Variants in TMEM255B observed in about 807,000 individuals in gnomAD.
The protein encoded by TMEM255B is transmembrane protein 255B.
A neutral mutation model predicts 34.5 loss-of-function variants in TMEM255B; 35 were observed. The ratio of observed to expected loss-of-function variants is 1.01; its 90% CI spans 0.77 to 1.34. The LOEUF (loss-of-function observed/expected upper bound fraction) is 1.34. Among genes scored for constraint, TMEM255B ranks in the 40% most tolerant of loss-of-function variants. The pLI is 0.00. For missense variants in TMEM255B, 432 were observed against 433.2 expected (o/e 1.00, Z 0.02); for synonymous variants, 206 against 201.2 (o/e 1.02, Z -0.20).
At chr13:113,786,748 C>T (rs2138550873) in intron 3 of TMEM255B, among the ~76,000 whole-genome samples, 1 of 152,368 alleles carries the variant, frequency 6.6e-6, no homozygotes, top group South Asian at 2.1e-4. Context: ...GAATTTCCTC[C>T]CTGGCATCCA....
intron 7 of TMEM255B, among the ~76,000 whole-genome samples, chr13:113,803,752 C>G (rs2051108846): frequency 6.6e-6 from 1 of 152,232 alleles, no homozygotes; most frequent in South Asian, 2.1e-4. Flanking sequence ...GCCTCCTGCA[C>G]ATGTGGACCA....
chr13:113,783,961 C>T (rs1172297408), intron 3 of TMEM255B, among the ~76,000 whole-genome samples: 1 of 152,092 alleles, frequency 6.6e-6, no homozygotes, highest in Non-Finnish European at 1.5e-5. Flanking sequence ...TAGGGAACCT[C>T]TTGTCATTTG....
chr13:113,798,625 AGATG>A (rs753536468), intron 4 of TMEM255B, among the ~76,000 whole-genome samples: 43 of 150,568 alleles, frequency 2.9e-4, no homozygotes, highest in Non-Finnish European at 4.9e-4. Context: ...GATGGATGAC[AGATG>A]GGTGGATGGA....
chr13:113,811,597 G>A, intron 8 of TMEM255B, 139 bp from the exon 9 acceptor site: 1 of 904,624 alleles, frequency 1.1e-6, no homozygotes, highest in Admixed American at 2.7e-5. Context: ...CATGTGAATG[G>A]CCCTGAGTCT....
At chr13:113,801,894 T>C in intron 7 of TMEM255B, 82 bp downstream of exon 7, 8 of 1,398,334 alleles carry the variant, frequency 5.7e-6, no homozygotes, top group Non-Finnish European at 7.7e-6. Context: ...CTGGGGGGCC[T>C]CCAGCCCTCA....
intron 1 of TMEM255B, among the ~76,000 whole-genome samples, chr13:113,763,889 T>C (rs988921131): frequency 2.6e-5 from 4 of 152,166 alleles, no homozygotes; most frequent in Admixed American, 2.6e-4. Context: ...CTGTGCGAGT[T>C]AGAGGTGGGG....
chr13:113,789,555 A>G (rs1290138464), intron 3 of TMEM255B, among the ~76,000 whole-genome samples: 4 of 152,220 alleles, frequency 2.6e-5, no homozygotes, highest in Admixed American at 1.3e-4. Flanking sequence ...GGTTCTGGCA[A>G]TGACTTTCGG....
At chr13:113,768,462 G>A (rs1007429059) in intron 2 of TMEM255B, among the ~76,000 whole-genome samples, 3 of 152,190 alleles carry the variant, frequency 2.0e-5, no homozygotes, top group Non-Finnish European at 4.4e-5. Context: ...GGCTTCCTGT[G>A]GAGTAAGGGG....
chr13:113,811,752 C>G lies in TMEM255B; in HGVS notation c.830C>G (p.Pro277Arg). Reference protein sequence around the residue: ...PLPLQPCSRFPVAPSSALASS... With the variant: ...PLPLQPCSRFRVAPSSALASS... ...TTATTGCAGCCCTGCAGCCGCTTCC[C>G]AGTTGCGCCCTCCTCTGCCCTGGCT... The change falls in exon 9 of 9, where the codon CCA becomes CGA. Residue 277 changes from proline (P) to arginine (R), a missense_variant. Physicochemically the swap from Pro to Arg is moderately radical, Grantham distance 103. Transcript: ENST00000375353. 1 of 1,613,776 alleles carries G rather than the reference C, an allele frequency of 6.2e-7. No individual in the cohort carries two copies. The highest frequency in any genetic ancestry group is 8.5e-7 in the Non-Finnish European group (1 of 1,179,846).
At chr13:113,791,172 G>C (rs1314992281) in intron 3 of TMEM255B, among the ~76,000 whole-genome samples, 1 of 152,218 alleles carries the variant, frequency 6.6e-6, no homozygotes, top group African/African-American at 2.4e-5. Context: ...CTGGGTTGCA[G>C]CAGGTTCCTG....
In TMEM255B at chr13:113,812,999, G is replaced by GCA. The variant is rs1338886246; in HGVS notation, c.*1096_*1097insCA. The GCA allele has an allele frequency of 6.7e-4, 98 of 145,366 alleles. 10 individuals are homozygous for GCA. The highest frequency in any genetic ancestry group is 3.6e-3 in the Middle Eastern group (1 of 274). 9.0% of individuals were successfully genotyped at this position (145,366 alleles called of 1,614,324 possible). A position where few individuals can be genotyped will look rare whatever the true frequency, so the allele number is the denominator to read the frequency against. On this transcript the variant is annotated 3_prime_UTR_variant, in exon 9 of 9. Coordinates refer to ENST00000375353, the MANE Select transcript of TMEM255B (RefSeq NM_182614.4). ...GTCACGGGTCCCGGGTGGGTCACGG[G>GCA]TCCCGAGTGGGTCACGGGTCCCGGG... is the stretch of plus-strand genomic sequence containing the variant.
chr13:113,807,645 C>T (rs548881924), intron 8 of TMEM255B, among the ~76,000 whole-genome samples: 7 of 136,938 alleles, frequency 5.1e-5, no homozygotes, highest in African/African-American at 2.8e-5. Flanking sequence ...CCCTGTCACA[C>T]GCAGGCTTAC....
chr13:113,809,289 G>A (rs1409030323), intron 8 of TMEM255B, among the ~76,000 whole-genome samples: 1 of 63,482 alleles, frequency 1.6e-5, no homozygotes, highest in Non-Finnish European at 3.3e-5. Context: ...CTGGTTCCTG[G>A]GGGTTTACTC....
rs1035362263 is a variant in TMEM255B at position 113,806,061 on chromosome 13, C to T, written c.813+1033C>T. 2.6e-5 allele frequency among the ~76,000 whole-genome samples: 4 copies of T among 152,170 alleles called. No individual in the cohort carries two copies. Among genetic ancestry groups the T allele is most frequent in the East Asian group, 3.9e-4 (2 of 5,190 alleles). Reference sequence around the variant, plus strand: ...CACATGACACAGGTCTTCAGATATTCCACAAGAGGACCCTCTCCCGACACA... The same window carrying T: ...CACATGACACAGGTCTTCAGATATTTCACAAGAGGACCCTCTCCCGACACA... On this transcript the variant is annotated intron_variant, in intron 8 of 8. Coordinates refer to ENST00000375353, the MANE Select transcript of TMEM255B (RefSeq NM_182614.4). This position sits in a 1 kb window ranked among gnomAD's most constrained non-coding sequence, Gnocchi z 4.2.
At position 113,809,355 on chromosome 13, in the gene TMEM255B, G is replaced by C. The variant is rs527685151; in HGVS notation, c.814-2381G>C. On this transcript the variant is annotated intron_variant, in intron 8 of 8. Coordinates refer to ENST00000375353, the MANE Select transcript of TMEM255B (RefSeq NM_182614.4). ...CCGGGGGTTTAACTCTGTGGTTCCT[G>C]GGGGGAGGGGTTACTCTGTGGTTCC... 6.8e-3 allele frequency among the ~76,000 whole-genome samples: 499 copies of C among 73,820 alleles called. 10 individuals carry two copies. The highest frequency in any genetic ancestry group is 0.01 in the Non-Finnish European group (374 of 37,388). The allele number at this position is 73,820 out of a possible 152,430, so 48.4% of individuals were successfully genotyped here.
At chr13:113,774,832 C>G (rs376070990) in intron 3 of TMEM255B, among the ~76,000 whole-genome samples, 4 of 149,340 alleles carry the variant, frequency 2.7e-5, no homozygotes, top group Non-Finnish European at 1.5e-5. Context: ...ACAACACACA[C>G]GACACACACA....
Position 113,759,264 on chromosome 13 carries a change from C to G in TMEM255B, c.-6C>G, listed in dbSNP as rs1224465082. ...TGGCCCCGGGAGAGCCGGGTGGGGC[C>G]TCGGGATGCAGCCGCCGGTGCCCGG... On this transcript the variant is annotated 5_prime_UTR_variant, in exon 1 of 9. Transcript: ENST00000375353. The G allele has an allele frequency of 1.6e-6, 2 of 1,228,380 alleles. No individual in the cohort carries two copies. Among genetic ancestry groups the G allele is most frequent in the Non-Finnish European group, 2.0e-6 (2 of 985,860 alleles). 76.1% of individuals were successfully genotyped at this position (1,228,380 alleles called of 1,614,324 possible).
At chr13:113,799,882 G>A in intron 5 of TMEM255B, 1 of 1,084,264 alleles carries the variant, frequency 9.2e-7, no homozygotes, top group Non-Finnish European at 1.3e-6. Flanking sequence ...CCGTCGGAGG[G>A]CACAGCTCTG....
chr13:113,768,642 T>C (rs1485120951), intron 2 of TMEM255B, among the ~76,000 whole-genome samples: 1 of 152,216 alleles, frequency 6.6e-6, no homozygotes, highest in Non-Finnish European at 1.5e-5. Flanking sequence ...TTAGGCCGTC[T>C]GAGCAGGGGT....
Sources: gnomAD v4.1 joint callset for allele counts (sites outside exome capture counted in the v4.1 genomes callset) on GRCh38, gnomAD v4.1.1 for gene constraint, Gnocchi (gnomAD v3.1) non-coding constraint, MANE v1.5 for transcripts, NCBI Gene and HGNC (gene_info 2026-07-23, HGNC 2026-07-21) for gene names.